TBC1D9: variants seen among roughly 807,000 people sequenced by gnomAD.
TBC1D9 encodes the protein TBC1 domain family member 9A.
TBC1D9 carries 63 observed loss-of-function variants against 132.0 expected under a neutral mutation model. That is an observed-to-expected ratio of 0.48 (90% CI 0.39 to 0.59). The LOEUF is 0.59. Among genes scored for constraint, TBC1D9 ranks in the 20% least tolerant of loss-of-function variants. TBC1D9 has a pLI of 0.00. For missense variants in TBC1D9, 1,261 were observed against 1,592.7 expected, an observed-to-expected ratio of 0.79 and a Z score of 3.54; for synonymous variants, 610 against 609.9, an observed-to-expected ratio of 1.00 and a Z score of 0.00.
rs56768107 is a variant in TBC1D9 at position 140,731,668 on chromosome 4, T to TACACACAC, written c.130+24240_130+24247dup. Among the ~76,000 whole-genome samples, 6 of 147,206 alleles carry TACACACAC rather than the reference T, an allele frequency of 4.1e-5. No individual in the cohort carries two copies. In the East Asian group the frequency reaches 8.0e-4, roughly 20 times the overall value. On this transcript the variant is annotated intron_variant, in intron 1 of 20. Coordinates refer to ENST00000442267, the MANE Select transcript of TBC1D9 (RefSeq NM_015130.3). ...AATGGCACCATAGTTTTAAAACACATACACACACACACACACACACACACA... is the reference window on the plus strand; with the variant it reads ...AATGGCACCATAGTTTTAAAACACATACACACACACACACACACACACACACACACACA...
chr4:140,628,308 A>C lies in TBC1D9; in HGVS notation c.2804T>G (p.Val935Gly). The C allele has an allele frequency of 6.2e-7, 1 of 1,613,912 alleles. No individual in the cohort carries two copies. The highest frequency in any genetic ancestry group is 8.5e-7 in the Non-Finnish European group (1 of 1,179,784). ...EKLKLLYKMH[V>G]LPEPSSDQDE... The stretch of plus-strand genomic sequence containing the variant: ...CCATGTAGCTCACTCACCAGGCAAG[A>C]CGTGCATTTTGTACAGGAGTTTGAG... The change falls in exon 17 of 21, where the codon GTC becomes GGC. Residue 935 changes from valine to glycine, a missense_variant. Physicochemically the swap from Val to Gly is moderately radical, Grantham distance 109 (BLOSUM62 -3). Transcript: ENST00000442267.
At chr4:140,684,487 C>T (rs866577436) in intron 3 of TBC1D9, among the ~76,000 whole-genome samples, 2 of 152,036 alleles carry the variant, frequency 1.3e-5, no homozygotes, top group African/African-American at 4.8e-5. Flanking sequence ...TAGCAAATCC[C>T]TCCTCATAAT....
chr4:140,752,239 A>C, intron 1 of TBC1D9, among the ~76,000 whole-genome samples: 1 of 152,202 alleles, frequency 6.6e-6, no homozygotes, highest in South Asian at 2.1e-4. Context: ...TTCTACACAG[A>C]ACAGAAAAAT....
intron 1 of TBC1D9, among the ~76,000 whole-genome samples, chr4:140,740,331 G>GGGAC (rs1399890873): frequency 6.6e-6 from 1 of 152,174 alleles, no homozygotes; most frequent in Non-Finnish European, 1.5e-5. Context: ...TCCAAAAACA[G>GGGAC]GGACAGACAA....
intron 1 of TBC1D9, among the ~76,000 whole-genome samples, chr4:140,729,484 C>G (rs1232957135): frequency 6.6e-6 from 1 of 152,184 alleles, no homozygotes; most frequent in African/African-American, 2.4e-5. Context: ...ACAGGTTGCA[C>G]TTCCCTTCCT....
At chr4:140,643,074 T>C in intron 13 of TBC1D9, 1 of 1,334,022 alleles carries the variant, frequency 7.5e-7, no homozygotes, top group Non-Finnish European at 1.0e-6. Flanking sequence ...CCAGCTGTAC[T>C]TATTGTGGGC....
chr4:140,702,421 A>C (rs1022632225), intron 1 of TBC1D9, among the ~76,000 whole-genome samples: 1 of 152,260 alleles, frequency 6.6e-6, no homozygotes, highest in African/African-American at 2.4e-5. Flanking sequence ...AAAATTGACA[A>C]GGAAAAGGAA....
At chr4:140,633,253 G>A (rs1736826833) in intron 16 of TBC1D9, among the ~76,000 whole-genome samples, 1 of 152,222 alleles carries the variant, frequency 6.6e-6, no homozygotes, top group South Asian at 2.1e-4. Context: ...CTGGCATAAT[G>A]CCTGCTATAC....
chr4:140,709,591 T>G (rs1366445260), intron 1 of TBC1D9, among the ~76,000 whole-genome samples: 1 of 152,132 alleles, frequency 6.6e-6, no homozygotes, highest in East Asian at 1.9e-4. Context: ...ATGCTTAATC[T>G]CAATATCTGT....
chr4:140,649,233 C>T (rs1737149574), intron 13 of TBC1D9, among the ~76,000 whole-genome samples: 1 of 152,200 alleles, frequency 6.6e-6, no homozygotes, highest in Non-Finnish European at 1.5e-5. Context: ...GTCTGCCCAC[C>T]ACAGGGGAAT....
chr4:140,626,560 C>T (rs906194299), intron 18 of TBC1D9, among the ~76,000 whole-genome samples: 1 of 152,184 alleles, frequency 6.6e-6, no homozygotes, highest in African/African-American at 2.4e-5. Context: ...CCTACATTTA[C>T]TTTTGGACTT....
chr4:140,717,676 T>C (rs1352774902), intron 1 of TBC1D9, among the ~76,000 whole-genome samples: 2 of 152,186 alleles, frequency 1.3e-5, no homozygotes, highest in East Asian at 3.9e-4. Flanking sequence ...CTATGAAATC[T>C]AGAACACAGA....
intron 9 of TBC1D9, among the ~76,000 whole-genome samples, chr4:140,666,178 T>C (rs1325963984): frequency 2.6e-5 from 4 of 152,142 alleles, no homozygotes; most frequent in South Asian, 2.1e-4. Flanking sequence ...TTGAACACAG[T>C]ATGCTATGTG....
intron 3 of TBC1D9, among the ~76,000 whole-genome samples, chr4:140,682,859 C>T (rs906098336): frequency 1.3e-5 from 2 of 152,090 alleles, no homozygotes; most frequent in Non-Finnish European, 2.9e-5. Context: ...TATTAAATAC[C>T]ACATTTCTAG....
chr4:140,699,496 C>CT (rs1385683887), intron 2 of TBC1D9, among the ~76,000 whole-genome samples: 4 of 152,158 alleles, frequency 2.6e-5, no homozygotes, highest in Admixed American at 2.0e-4. Context: ...CAAAATGGCC[C>CT]TTTATCTCTG....
intron 13 of TBC1D9, chr4:140,642,031 C>T (rs1204110756): frequency 7.6e-6 from 5 of 659,840 alleles, no homozygotes; most frequent in East Asian, 2.7e-5. Flanking sequence ...CAAACAAAAC[C>T]ACTGCTTCCT....
chr4:140,670,620 A>G, intron 7 of TBC1D9, 100 bp downstream of exon 7: 1 of 922,852 alleles, frequency 1.1e-6, no homozygotes, highest in Non-Finnish European at 1.7e-6. Context: ...TGGGCGTCAG[A>G]CGCAAAGCTT....
At chr4:140,689,924 A>G in intron 2 of TBC1D9, among the ~76,000 whole-genome samples, 1 of 150,200 alleles carries the variant, frequency 6.7e-6, no homozygotes, top group Non-Finnish European at 1.5e-5. Context: ...AATTGTTTTT[A>G]TATTTTTAGT....
At chr4:140,688,189 G>T (rs1421595483) in intron 2 of TBC1D9, among the ~76,000 whole-genome samples, 2 of 152,170 alleles carry the variant, frequency 1.3e-5, no homozygotes, top group African/African-American at 4.8e-5. Flanking sequence ...TTCCACACTT[G>T]CTCTTTCATG....
Sources: allele counts gnomAD v4.1 joint callset (sites outside exome capture counted in the v4.1 genomes callset), GRCh38; gene constraint gnomAD v4.1.1; transcripts MANE v1.5; gene names NCBI Gene and HGNC (gene_info 2026-07-23, HGNC 2026-07-21).